Variants in PYGO1 observed in about 807,000 individuals in gnomAD.
PYGO1 encodes the protein pygopus homolog 1.
A neutral mutation model predicts 29.5 loss-of-function variants in PYGO1; 6 were observed. The ratio of observed to expected loss-of-function variants is 0.20; its 90% confidence interval spans 0.11 to 0.40. The LOEUF (loss-of-function observed/expected upper bound fraction) is 0.40, where lower values mean the gene tolerates loss of function less well. Ranked by LOEUF, PYGO1 falls within the 10% of genes least tolerant of loss-of-function variation. PYGO1 has a pLI of 1.00. For missense variants in PYGO1, 515 were observed against 514.9 expected (o/e 1.00, Z 0.00); for synonymous variants, 186 against 180.5 (o/e 1.03, Z -0.24).
At chr15:55,554,468 C>CAAAAAAAAAAAAAAAAAAAAAA (rs56216226) in intron 1 of PYGO1, among the ~76,000 whole-genome samples, 11 of 122,906 alleles carry the variant, frequency 8.9e-5, no homozygotes, top group East Asian at 3.2e-4. Flanking sequence ...GACTCTGTCT[C>CAAAAAAAAAAAAAAAAAAAAAA]AAAAAAAAAA....
intron 1 of PYGO1, among the ~76,000 whole-genome samples, chr15:55,558,778 C>T (rs1429242867): frequency 6.6e-6 from 1 of 151,952 alleles, no homozygotes; most frequent in Non-Finnish European, 1.5e-5. Context: ...ACTGGCCAGC[C>T]ATATGTAGAA....
At chr15:55,565,806 G>C (rs1487014661) in intron 1 of PYGO1, among the ~76,000 whole-genome samples, 1 of 151,834 alleles carries the variant, frequency 6.6e-6, no homozygotes, top group Non-Finnish European at 1.5e-5. Context: ...CTTTTCTTGA[G>C]ACAGTCTCAC....
intron 1 of PYGO1, among the ~76,000 whole-genome samples, chr15:55,581,982 G>A (rs569459436): frequency 6.7e-6 from 1 of 149,332 alleles, no homozygotes; most frequent in Non-Finnish European, 1.5e-5. Context: ...TGAGGTGGGC[G>A]GATCACCTGA....
rs181344630 is a variant in PYGO1, at chr15:55,580,035, G to A, written c.49+7800C>T. Among the ~76,000 whole-genome samples, 11 of 152,246 alleles carry A rather than the reference G, an allele frequency of 7.2e-5. No individual in the cohort carries two copies. The East Asian group carries it at 1.9e-3, about 27-fold the overall frequency. On this transcript the variant is annotated intron_variant, in intron 1 of 2. Coordinates refer to ENST00000563719, the MANE Select transcript of PYGO1 (RefSeq NM_001367806.1). Reference sequence around the variant, plus strand: ...TGTTACTGAGGTCCATGGGGTTTAAGGTTGCTTAGAAAGGTAAAGCTTAGG... The same window carrying A: ...TGTTACTGAGGTCCATGGGGTTTAAAGTTGCTTAGAAAGGTAAAGCTTAGG...
chr15:55,570,634 T>A (rs567861376), intron 1 of PYGO1, among the ~76,000 whole-genome samples: 1 of 152,116 alleles, frequency 6.6e-6, no homozygotes, highest in African/African-American at 2.4e-5. Context: ...ATTTTTACAT[T>A]TATAAAAATG....
chr15:55,588,119 G>A lies in PYGO1; in HGVS notation c.-236C>T. 8 of 920,502 alleles carry A rather than the reference G, an allele frequency of 8.7e-6. No individual in the cohort carries two copies. The highest frequency in any genetic ancestry group is 1.0e-5 in the Non-Finnish European group (8 of 772,980). 57.0% of individuals were successfully genotyped at this position (920,502 alleles called of 1,614,324 possible). A position where few individuals can be genotyped will look rare whatever the true frequency, so the allele number is the denominator to read the frequency against. The stretch of plus-strand genomic sequence containing the variant: ...GCGGGCACCGGCGGGGCTCAGCGGC[G>A]GTGGCCGGGAGCGCGGCCTGGGGGC... On this transcript the variant is annotated 5_prime_UTR_variant, in exon 1 of 3. Coordinates refer to ENST00000563719, the MANE Select transcript of PYGO1 (RefSeq NM_001367806.1).
Position 55,545,295 on chromosome 15 carries a change from T to G in PYGO1, c.*728A>C, listed in dbSNP as rs2058844667. The G allele has an allele frequency of 6.6e-6, 1 of 152,234 alleles. No individual in the cohort carries two copies. The highest frequency in any genetic ancestry group is 1.5e-5 in the Non-Finnish European group (1 of 68,038). 9.4% of individuals were successfully genotyped at this position (152,234 alleles called of 1,614,324 possible). A position where few individuals can be genotyped will look rare whatever the true frequency, so the allele number is the denominator to read the frequency against. On this transcript the variant is annotated 3_prime_UTR_variant, in exon 3 of 3. Transcript: ENST00000563719. Reference sequence around the variant, plus strand: ...AAGTAGGAGCATAATACTATCATAATTCTAAATAGCACAACTGGGAACGTA... The same window carrying G: ...AAGTAGGAGCATAATACTATCATAAGTCTAAATAGCACAACTGGGAACGTA...
At chr15:55,563,267 A>T (rs1438695359) in intron 1 of PYGO1, among the ~76,000 whole-genome samples, 1 of 151,688 alleles carries the variant, frequency 6.6e-6, no homozygotes, top group East Asian at 1.9e-4. Context: ...AACCTAACTG[A>T]AAAACGGCCA....
At chr15:55,583,756 C>T (rs927673901) in intron 1 of PYGO1, among the ~76,000 whole-genome samples, 1 of 152,160 alleles carries the variant, frequency 6.6e-6, no homozygotes, top group African/African-American at 2.4e-5. Context: ...GATGCTCTTG[C>T]CTGAGCCTCC....
intron 1 of PYGO1, among the ~76,000 whole-genome samples, chr15:55,558,021 T>G (rs2058914765): frequency 6.6e-6 from 1 of 152,086 alleles, no homozygotes; most frequent in African/African-American, 2.4e-5. Context: ...TAGAAAGAAA[T>G]AAAGGGTATT....
chr15:55,566,214 T>C (rs1028892235), intron 1 of PYGO1, among the ~76,000 whole-genome samples: 1 of 152,170 alleles, frequency 6.6e-6, no homozygotes, highest in Admixed American at 6.5e-5. Context: ...TTTCAAACCC[T>C]GCCCCTAATT....
chr15:55,586,812 C>T (rs776976818), intron 1 of PYGO1, among the ~76,000 whole-genome samples: 1 of 152,184 alleles, frequency 6.6e-6, no homozygotes. Context: ...ACATACAATC[C>T]ATACTTCCCA....
chr15:55,580,175 A>C (rs1009772401), intron 1 of PYGO1, among the ~76,000 whole-genome samples: 1 of 152,242 alleles, frequency 6.6e-6, no homozygotes, highest in Non-Finnish European at 1.5e-5. Flanking sequence ...CTCAGAAATC[A>C]TGGGGAACAA....
At chr15:55,560,048 T>C (rs545864028) in intron 1 of PYGO1, among the ~76,000 whole-genome samples, 3 of 152,076 alleles carry the variant, frequency 2.0e-5, no homozygotes, top group South Asian at 4.1e-4. Context: ...ATAATAACCA[T>C]ATATATGACA....
intron 1 of PYGO1, among the ~76,000 whole-genome samples, chr15:55,556,223 G>A (rs548429888): frequency 2.0e-5 from 3 of 152,162 alleles, no homozygotes; most frequent in Admixed American, 1.3e-4. Context: ...TCGACACATG[G>A]CACTTACTCT....
intron 1 of PYGO1, among the ~76,000 whole-genome samples, chr15:55,558,188 A>G (rs77327102): frequency 0.35 from 52,936 of 151,952 alleles, 9,400 homozygotes; most frequent in Middle Eastern, 0.42. Context: ...AATCACAAGC[A>G]TTCTTATACA....
At chr15:55,566,664 A>C (rs186738724) in intron 1 of PYGO1, among the ~76,000 whole-genome samples, 1 of 152,326 alleles carries the variant, frequency 6.6e-6, no homozygotes, top group African/African-American at 2.4e-5. Flanking sequence ...TGCTTTCCAC[A>C]GTGACTAATT....
At chr15:55,558,314 G>T (rs1287167579) in intron 1 of PYGO1, among the ~76,000 whole-genome samples, 1 of 150,870 alleles carries the variant, frequency 6.6e-6, no homozygotes, top group Non-Finnish European at 1.5e-5. Context: ...ACCTCTTCAA[G>T]AACTACAAAC....
At position 55,543,575 on chromosome 15, in the gene PYGO1, A is replaced by G. The variant is rs533850679; in HGVS notation, c.*2448T>C. 1 of 152,342 alleles carries G rather than the reference A, an allele frequency of 6.6e-6. No homozygotes were observed. The highest frequency in any genetic ancestry group is 2.4e-5 in the African/African-American group (1 of 41,588). The allele number at this position is 152,342 out of a possible 1,614,324, so 9.4% of individuals were successfully genotyped here. A position where few individuals can be genotyped will look rare whatever the true frequency, so the allele number is the denominator to read the frequency against. On this transcript the variant is annotated 3_prime_UTR_variant, in exon 3 of 3. Coordinates refer to ENST00000563719, the MANE Select transcript of PYGO1 (RefSeq NM_001367806.1). ...AAATAGAAAATGAATTATATTGCAT[A>G]ACACATACCTTTAGACTAGCTTGGG...
Sources: allele counts gnomAD v4.1 joint callset (sites outside exome capture counted in the v4.1 genomes callset), GRCh38; gene constraint gnomAD v4.1.1; transcripts MANE v1.5; gene names NCBI Gene and HGNC (gene_info 2026-07-23, HGNC 2026-07-21).